Variants in NCOA2 observed in about 807,000 individuals in gnomAD.
The protein encoded by NCOA2 is class E basic helix-loop-helix protein 75.
In NCOA2, 21 loss-of-function variants were observed where a neutral mutation model predicts 145.1. The ratio of observed to expected loss-of-function variants is 0.14; its 90% confidence interval spans 0.10 to 0.21. NCOA2 has a LOEUF of 0.21. Ranked by LOEUF, NCOA2 falls within the 10% of genes least tolerant of loss-of-function variation. The pLI, the probability that NCOA2 is intolerant of heterozygous loss-of-function variation, is 1.00. For synonymous variants in NCOA2, 619 were observed against 637.5 expected (o/e 0.97, Z 0.44); for missense variants, 1,472 against 1,837.6 (o/e 0.80, Z 3.64).
intron 1 of NCOA2, among the ~76,000 whole-genome samples, chr8:70,305,282 C>T (rs757163184): frequency 6.6e-6 from 1 of 152,032 alleles, no homozygotes; most frequent in Non-Finnish European, 1.5e-5. Context: ...GGAACCAGCA[C>T]AAACTTGCCA....
chr8:70,359,853 T>A (rs760839099), intron 1 of NCOA2, among the ~76,000 whole-genome samples: 3 of 152,206 alleles, frequency 2.0e-5, no homozygotes, highest in Non-Finnish European at 4.4e-5. Context: ...TACATTTTAT[T>A]TGCATTTCAA....
chr8:70,258,998 G>A (rs961810598), intron 2 of NCOA2, among the ~76,000 whole-genome samples: 4 of 152,290 alleles, frequency 2.6e-5, no homozygotes, highest in African/African-American at 4.8e-5. Flanking sequence ...TATGGTGCAC[G>A]TTCCAACCAA....
chr8:70,303,310 A>C (rs950805347), intron 1 of NCOA2, among the ~76,000 whole-genome samples: 2 of 152,222 alleles, frequency 1.3e-5, no homozygotes, highest in Non-Finnish European at 2.9e-5. Flanking sequence ...GAATTGACCA[A>C]GGAAAATGAG....
At chr8:70,321,793 CTTT>C (rs559680322) in intron 1 of NCOA2, among the ~76,000 whole-genome samples, 33 of 73,562 alleles carry the variant, frequency 4.5e-4, no homozygotes, top group South Asian at 1.9e-3. Context: ...CAGAATATAC[CTTT>C]TTTTTTTTTT....
At chr8:70,395,999 G>A (rs1182541653) in intron 1 of NCOA2, among the ~76,000 whole-genome samples, 4 of 152,200 alleles carry the variant, frequency 2.6e-5, no homozygotes, top group Admixed American at 6.5e-5. Context: ...TCCGCGCTCC[G>A]TGCAAACAAT....
Position 70,156,571 on chromosome 8 carries a change from T to C in NCOA2, c.1794A>G (p.Gly598=). 2 of 1,613,930 alleles carry C rather than the reference T, an allele frequency of 1.2e-6. No homozygotes were observed. Among genetic ancestry groups the C allele is most frequent in the Non-Finnish European group, 1.7e-6 (2 of 1,179,872 alleles). The change falls in exon 11 of 23, where the codon GGA becomes GGG. Residue 598 remains glycine, a synonymous_variant. Transcript: ENST00000452400. ...LYGEPSEGTT[G]QAESSCHPGE... ...CAGGATGGCAGCTGCTCTCTGCTTG[T>C]CCAGTTGTACCTTCAGAGGGCTCCC...
chr8:70,268,538 C>A (rs1450249130), intron 2 of NCOA2, among the ~76,000 whole-genome samples: 1 of 152,088 alleles, frequency 6.6e-6, no homozygotes, highest in Non-Finnish European at 1.5e-5. Context: ...CTTTTCTATA[C>A]CATAACATAA....
At chr8:70,122,852 C>T (rs911944046) in intron 21 of NCOA2, among the ~76,000 whole-genome samples, 1 of 152,230 alleles carries the variant, frequency 6.6e-6, no homozygotes, top group Non-Finnish European at 1.5e-5. Context: ...TTCTAACAGA[C>T]ATTCACAGAC....
At chr8:70,339,802 T>C (rs117782794) in intron 1 of NCOA2, among the ~76,000 whole-genome samples, 13,366 of 152,246 alleles carry the variant, frequency 0.088, 650 homozygotes, top group East Asian at 0.13. Context: ...TACAACCATC[T>C]GATCTTCAAC....
the NCOA2 span, among the ~76,000 whole-genome samples, chr8:70,440,978 G>GAGAA: frequency 7.3e-6 from 1 of 136,744 alleles, no homozygotes; most frequent in Non-Finnish European, 1.6e-5. Context: ...GAAAGGGAGA[G>GAGAA]AGAAAGAAAG....
intron 10 of NCOA2, among the ~76,000 whole-genome samples, chr8:70,159,242 A>ATATATATTTTTTT: frequency 6.5e-5 from 4 of 61,070 alleles, no homozygotes; most frequent in African/African-American, 2.2e-4. Flanking sequence ...ATATATATAT[A>ATATATATTTTTTT]TTTTTTTTTT....
chr8:70,426,907 C>T, the NCOA2 span, among the ~76,000 whole-genome samples: 1 of 152,174 alleles, frequency 6.6e-6, no homozygotes, highest in Non-Finnish European at 1.5e-5. Context: ...ATCCTCCTGC[C>T]TCAGCTTCCC....
chr8:70,403,797 T>TTA lies in NCOA2; in HGVS notation c.-176_-175dup. ...AGGCTGCGGCCGCCATGTTCCCGTG[T>TTA]TAATAACTGCTGCCTGGTTGTTTAT... On this transcript the variant is annotated 5_prime_UTR_variant, in exon 1 of 23. Coordinates refer to ENST00000452400, the MANE Select transcript of NCOA2 (RefSeq NM_006540.4). 1 of 397,494 alleles carries TTA rather than the reference T, an allele frequency of 2.5e-6. No individual in the cohort carries two copies. The highest frequency in any genetic ancestry group is 3.6e-5 in the East Asian group (1 of 27,988). 24.6% of individuals were successfully genotyped at this position (397,494 alleles called of 1,614,324 possible). A position where few individuals can be genotyped will look rare whatever the true frequency, so the allele number is the denominator to read the frequency against.
chr8:70,395,290 C>T (rs1187123760), intron 1 of NCOA2, among the ~76,000 whole-genome samples: 1 of 152,204 alleles, frequency 6.6e-6, no homozygotes, highest in Non-Finnish European at 1.5e-5. Flanking sequence ...AGTAAGTGGT[C>T]AGCTACTGGA....
rs1806606008 is a variant in NCOA2, at chr8:70,112,247, C to CA, written c.*1384dup. 1 of 200,540 alleles carries CA rather than the reference C, an allele frequency of 5.0e-6. No homozygotes were observed. The highest frequency in any genetic ancestry group is 6.0e-5 in the Admixed American group (1 of 16,646). 12.4% of individuals were successfully genotyped at this position (200,540 alleles called of 1,614,324 possible). A position where few individuals can be genotyped will look rare whatever the true frequency, so the allele number is the denominator to read the frequency against. ...CTAATCAAGGCATTGATATCCTTTACAAAACACCTTTAGGAGACATTGCTA... is the reference window on the plus strand; with the variant it reads ...CTAATCAAGGCATTGATATCCTTTACAAAAACACCTTTAGGAGACATTGCTA... On this transcript the variant is annotated 3_prime_UTR_variant, in exon 23 of 23. Transcript: ENST00000452400.
At chr8:70,370,423 ATATT>A (rs1296734633) in intron 1 of NCOA2, among the ~76,000 whole-genome samples, 4 of 152,210 alleles carry the variant, frequency 2.6e-5, no homozygotes, top group Non-Finnish European at 5.9e-5. Context: ...TTTTCTTGAC[ATATT>A]TATTTCCTTT....
intron 7 of NCOA2, among the ~76,000 whole-genome samples, chr8:70,166,015 G>A (rs572642022): frequency 2.3e-4 from 35 of 152,140 alleles, no homozygotes; most frequent in Admixed American, 2.2e-3. Context: ...GTAGAGACAG[G>A]GTTTCACCAT....
At chr8:70,187,827 T>A (rs2133166731) in intron 4 of NCOA2, among the ~76,000 whole-genome samples, 1 of 152,356 alleles carries the variant, frequency 6.6e-6, no homozygotes, top group East Asian at 1.9e-4. Context: ...AAAATCCTCA[T>A]AAAATTTCTT....
At chr8:70,241,705 T>TG (rs1822148648) in intron 2 of NCOA2, among the ~76,000 whole-genome samples, 1 of 152,158 alleles carries the variant, frequency 6.6e-6, no homozygotes, top group African/African-American at 2.4e-5. Context: ...CCTGCACCAC[T>TG]GACTCATTAG....
Sources: gnomAD v4.1 joint callset for allele counts (sites outside exome capture counted in the v4.1 genomes callset) on GRCh38, gnomAD v4.1.1 for gene constraint, MANE v1.5 for transcripts, NCBI Gene and HGNC (gene_info 2026-07-23, HGNC 2026-07-21) for gene names.